ADAMTSL1: variants seen among roughly 807,000 people sequenced by gnomAD.
The protein encoded by ADAMTSL1 is ADAMTS-like protein 1.
Under a neutral mutation model 201.8 loss-of-function variants are expected in ADAMTSL1, and 126 were observed. The observed-to-expected ratio is 0.62, with a 90% CI of 0.54 to 0.72. The LOEUF (loss-of-function observed/expected upper bound fraction) is 0.72, where lower values mean the gene tolerates loss of function less well. Among genes scored for constraint, ADAMTSL1 ranks in the 30% least tolerant of loss-of-function variants. ADAMTSL1 has a pLI of 0.00. For synonymous variants in ADAMTSL1, 1,121 were observed against 903.4 expected, an observed-to-expected ratio of 1.24 and a Z score of -4.32; for missense variants, 2,679 against 2,277.8, an observed-to-expected ratio of 1.18 and a Z score of -3.59.
At chr9:18,684,564 G>T in intron 12 of ADAMTSL1, 152 bp from the exon 13 acceptor site, 1 of 745,848 alleles carries the variant, frequency 1.3e-6, no homozygotes, top group Non-Finnish European at 2.0e-6. Flanking sequence ...TATTTTTCTA[G>T]ATATAACCAT....
chr9:18,739,051 C>T (rs1290994671), intron 15 of ADAMTSL1, among the ~76,000 whole-genome samples: 2 of 152,166 alleles, frequency 1.3e-5, no homozygotes, highest in African/African-American at 2.4e-5. Flanking sequence ...GGCCAAGTTA[C>T]TTCAATTGCC....
At chr9:18,201,647 T>C (rs1202115276) in intron 2 of ADAMTSL1, among the ~76,000 whole-genome samples, 1 of 152,086 alleles carries the variant, frequency 6.6e-6, no homozygotes, top group Non-Finnish European at 1.5e-5. Flanking sequence ...GCTTTGTAAA[T>C]ATAAAACTAA....
chr9:18,547,174 T>G (rs2132194568), intron 3 of ADAMTSL1, among the ~76,000 whole-genome samples: 1 of 152,204 alleles, frequency 6.6e-6, no homozygotes, highest in Non-Finnish European at 1.5e-5. Flanking sequence ...CTTTGTACTC[T>G]CAAATGTTTT....
At chr9:18,213,516 C>CTAGG (rs1293355525) in intron 2 of ADAMTSL1, among the ~76,000 whole-genome samples, 1 of 152,142 alleles carries the variant, frequency 6.6e-6, no homozygotes, top group African/African-American at 2.4e-5. Flanking sequence ...GAGCCTGGGA[C>CTAGG]TAGGTATTAG....
chr9:18,850,465 A>G (rs75765556), intron 23 of ADAMTSL1, among the ~76,000 whole-genome samples: 2,025 of 152,310 alleles, frequency 0.013, 41 homozygotes, highest in South Asian at 0.086. Flanking sequence ...GGCTGACTGT[A>G]GAAGAGAGGG....
At chr9:18,691,753 A>G (rs908938718) in intron 13 of ADAMTSL1, among the ~76,000 whole-genome samples, 1 of 152,200 alleles carries the variant, frequency 6.6e-6, no homozygotes, top group Non-Finnish European at 1.5e-5. Flanking sequence ...TGGGAAAGTC[A>G]TTTAACCCCA....
chr9:18,051,257 T>A (rs533853716), intron 1 of ADAMTSL1, among the ~76,000 whole-genome samples: 39 of 152,118 alleles, frequency 2.6e-4, no homozygotes, highest in African/African-American at 9.2e-4. Flanking sequence ...GCTGAGATGG[T>A]GCCACTGCAC....
rs376049706 is a variant in ADAMTSL1 at position 18,476,352 on chromosome 9, T to C, written c.63+2057T>C. Among the ~76,000 whole-genome samples the C allele has an allele frequency of 8.8e-4, 134 of 152,254 alleles. 2 individuals carry two copies. The South Asian group carries it at 0.026, about 29-fold the overall frequency. Reference sequence around the variant, plus strand: ...CCCAAAGGTCAAATAATGGAGAGAATAGAACATGTTTGCTTCGTATGGTGG... The same window carrying C: ...CCCAAAGGTCAAATAATGGAGAGAACAGAACATGTTTGCTTCGTATGGTGG... On this transcript the variant is annotated intron_variant, in intron 1 of 28. Transcript: ENST00000380548.
intron 15 of ADAMTSL1, among the ~76,000 whole-genome samples, chr9:18,734,863 C>T (rs1356292238): frequency 1.3e-5 from 2 of 152,198 alleles, no homozygotes; most frequent in Non-Finnish European, 2.9e-5. Context: ...CTGTGCCTTC[C>T]ATCCCCTTTC....
chr9:18,063,041 G>C (rs1342068891), intron 1 of ADAMTSL1, among the ~76,000 whole-genome samples: 1 of 152,116 alleles, frequency 6.6e-6, no homozygotes, highest in Non-Finnish European at 1.5e-5. Context: ...TTACAAAAAA[G>C]TTTGTTGCCG....
At position 18,046,583 on chromosome 9, in the gene ADAMTSL1, T is replaced by C. The variant is rs139128632; in HGVS notation, c.88-117279T>C. Among the ~76,000 whole-genome samples the C allele has an allele frequency of 9.7e-3, 1,475 of 152,292 alleles. 14 individuals carry two copies. Among genetic ancestry groups the C allele is most frequent in the Non-Finnish European group, 0.017 (1,123 of 68,016 alleles). On this transcript the variant is annotated intron_variant, in intron 1 of 29. Transcript: ENST00000680146. ...GTCCAGCTAAAAATTGTTAGTATGTTAGAAAAGAAAAGGAGCAGTCTCTGC... is the reference window on the plus strand; with the variant it reads ...GTCCAGCTAAAAATTGTTAGTATGTCAGAAAAGAAAAGGAGCAGTCTCTGC...
chr9:18,725,478 T>C (rs1182000993), intron 15 of ADAMTSL1, among the ~76,000 whole-genome samples: 1 of 152,170 alleles, frequency 6.6e-6, no homozygotes, highest in African/African-American at 2.4e-5. Flanking sequence ...TCAAAGTTAA[T>C]GAGTAATTTG....
intron 2 of ADAMTSL1, among the ~76,000 whole-genome samples, chr9:18,208,692 A>G (rs975383245): frequency 6.6e-6 from 1 of 152,202 alleles, no homozygotes; most frequent in Non-Finnish European, 1.5e-5. Flanking sequence ...CATAGCCAGC[A>G]AGTGTGGAGT....
chr9:18,540,075 G>A (rs1376182550), intron 3 of ADAMTSL1, among the ~76,000 whole-genome samples: 1 of 152,122 alleles, frequency 6.6e-6, no homozygotes, highest in Admixed American at 6.6e-5. Context: ...AAAGATGAAA[G>A]GGATTTTTTC....
chr9:18,318,151 A>G lies in ADAMTSL1; in HGVS notation c.207+154170A>G, dbSNP rs1185051761. 2.6e-5 allele frequency among the ~76,000 whole-genome samples: 4 copies of G among 152,330 alleles called. No individual in the cohort carries two copies. The East Asian group carries it at 7.7e-4, about 29-fold the overall frequency. ...AAGTGTGTCATAAGTGATTTAGTAA[A>G]TGTGGGCTATTTTTATGTTATGCTA... On this transcript the variant is annotated intron_variant, in intron 2 of 29. Coordinates refer to the ADAMTSL1 transcript ENST00000680146.
At chr9:18,388,917 C>T (rs931510528) in intron 2 of ADAMTSL1, among the ~76,000 whole-genome samples, 3 of 151,962 alleles carry the variant, frequency 2.0e-5, no homozygotes, top group East Asian at 3.9e-4. Flanking sequence ...CCACCTCACC[C>T]GGCTAATTTT....
Position 18,574,277 on chromosome 9 carries a change from A to T in ADAMTSL1, c.474+11A>T. On this transcript the variant is annotated intron_variant, in intron 4 of 28. Transcript: ENST00000380548. ...AGTGGTTTATGCCAAGTAAGTGCTG[A>T]TTTGTTCTCATTCAACTTGTCCAGA... is the stretch of plus-strand genomic sequence containing the variant. 1 of 1,605,762 alleles carries T rather than the reference A, an allele frequency of 6.2e-7. No homozygotes were observed.
chr9:18,822,031 A>G (rs1432703221), intron 21 of ADAMTSL1, among the ~76,000 whole-genome samples: 1 of 152,174 alleles, frequency 6.6e-6, no homozygotes, highest in Non-Finnish European at 1.5e-5. Flanking sequence ...CAGGGAGAGC[A>G]TGGGGCTGTT....
intron 2 of ADAMTSL1, among the ~76,000 whole-genome samples, chr9:18,394,231 G>A (rs1053709522): frequency 6.6e-6 from 1 of 152,066 alleles, no homozygotes; most frequent in African/African-American, 2.4e-5. Flanking sequence ...AATTAGCGGG[G>A]GATTGCATTG....
Sources: gnomAD v4.1 joint callset for allele counts (sites outside exome capture counted in the v4.1 genomes callset) on GRCh38, gnomAD v4.1.1 for gene constraint, MANE v1.5 for transcripts, NCBI Gene and HGNC (gene_info 2026-07-23, HGNC 2026-07-21) for gene names.